Variants in ITGA11 observed in about 807,000 individuals in gnomAD.
ITGA11 encodes integrin alpha-11.
In ITGA11, 97 loss-of-function variants were observed where a neutral mutation model predicts 141.9. The ratio of observed to expected loss-of-function variants is 0.68; its 90% CI spans 0.58 to 0.81. The LOEUF (loss-of-function observed/expected upper bound fraction) is 0.81. ITGA11 is among the 30% of genes least tolerant of loss of function. The pLI is 0.00. For synonymous variants in ITGA11, 658 were observed against 624.6 expected (o/e 1.05, Z -0.80); for missense variants, 1,387 against 1,559.2 (o/e 0.89, Z 1.86).
chr15:68,349,044 G>A, intron 9 of ITGA11, 144 bp from the exon 10 acceptor site: 1 of 718,616 alleles, frequency 1.4e-6, no homozygotes, highest in South Asian at 1.7e-5. Context: ...CTGAAGCTGA[G>A]GCCAGTAGTG....
chr15:68,336,461 G>T (rs890784196), intron 11 of ITGA11, among the ~76,000 whole-genome samples: 1 of 152,130 alleles, frequency 6.6e-6, no homozygotes, highest in African/African-American at 2.4e-5. Context: ...CATACATACA[G>T]CATGCCAAAG....
At chr15:68,338,669 G>A (rs1894452312) in intron 11 of ITGA11, among the ~76,000 whole-genome samples, 1 of 152,232 alleles carries the variant, frequency 6.6e-6, no homozygotes. Flanking sequence ...ACGAGCTGAG[G>A]AACAAAGGTT....
chr15:68,389,172 T>A (rs896214531), intron 2 of ITGA11, among the ~76,000 whole-genome samples: 22 of 152,074 alleles, frequency 1.4e-4, no homozygotes, highest in African/African-American at 5.1e-4. Context: ...CGCTCTCAAT[T>A]CCCTCCACCC....
chr15:68,301,965 T>A lies in ITGA11; in HGVS notation c.*1094A>T, dbSNP rs535542954. Reference sequence around the variant, plus strand: ...AGGCTCCGGGAGTCCTTGCACGTGCTTTATTCAGTGCATTCCAGAGGGGAC... The same window carrying A: ...AGGCTCCGGGAGTCCTTGCACGTGCATTATTCAGTGCATTCCAGAGGGGAC... On this transcript the variant is annotated 3_prime_UTR_variant, in exon 30 of 30. Coordinates refer to ENST00000315757, the MANE Select transcript of ITGA11 (RefSeq NM_001004439.2). The surrounding 1 kb of genome is among the most constrained non-coding windows in gnomAD (Gnocchi z 4.4). The A allele has an allele frequency of 6.5e-6, 1 of 152,800 alleles. No individual in the cohort carries two copies. The highest frequency in any genetic ancestry group is 6.5e-5 in the Admixed American group (1 of 15,298). The allele number at this position is 152,800 out of a possible 1,614,324, so 9.5% of individuals were successfully genotyped here. A position where few individuals can be genotyped will look rare whatever the true frequency, so the allele number is the denominator to read the frequency against.
At chr15:68,395,553 C>T (rs115221021) in intron 2 of ITGA11, among the ~76,000 whole-genome samples, 3,696 of 148,604 alleles carry the variant, frequency 0.025, 142 homozygotes, top group African/African-American at 0.085. Flanking sequence ...GTAGCTGATT[C>T]GATCAAGTGT....
chr15:68,303,042 A>T lies in ITGA11; in HGVS notation c.*17T>A. On this transcript the variant is annotated 3_prime_UTR_variant, in exon 30 of 30. Coordinates refer to ENST00000315757, the MANE Select transcript of ITGA11 (RefSeq NM_001004439.2). The surrounding 1 kb of genome is among the most constrained non-coding windows in gnomAD (Gnocchi z 5.3). ...TGGTGTCCTGGCCCCCATCAACTCA[A>T]AGTCTCCTCTGGAGCCTCACTCCAG... 6.5e-7 allele frequency: 1 copy of T among 1,544,850 alleles called. No homozygotes were observed. Among genetic ancestry groups the T allele is most frequent in the South Asian group, 1.2e-5 (1 of 83,622 alleles).
chr15:68,339,488 C>T lies in ITGA11; in HGVS notation c.1276+12G>A. On this transcript the variant is annotated intron_variant, in intron 11 of 29. Coordinates refer to ENST00000315757, the MANE Select transcript of ITGA11 (RefSeq NM_001004439.2). ...CACGACCCGCCAGCCTCCCCTCACT[C>T]TGCGCTCTTACCCAGGTATGCACCA... 1.2e-6 allele frequency: 2 copies of T among 1,609,240 alleles called. No homozygotes were observed. Among genetic ancestry groups the T allele is most frequent in the Non-Finnish European group, 1.7e-6 (2 of 1,177,796 alleles).
intron 11 of ITGA11, among the ~76,000 whole-genome samples, chr15:68,336,563 G>A (rs1309229670): frequency 2.6e-5 from 4 of 152,072 alleles, no homozygotes; most frequent in South Asian, 2.1e-4. Flanking sequence ...ATCTCAAGTC[G>A]CCCACCCAGT....
At chr15:68,399,105 T>C (rs1896400203) in intron 2 of ITGA11, among the ~76,000 whole-genome samples, 2 of 152,104 alleles carry the variant, frequency 1.3e-5, no homozygotes, top group South Asian at 4.1e-4. Flanking sequence ...ATAAAGGATC[T>C]ATCATAGCTA....
intron 1 of ITGA11, among the ~76,000 whole-genome samples, chr15:68,423,671 G>T (rs1213593270): frequency 1.3e-5 from 2 of 152,188 alleles, no homozygotes; most frequent in Non-Finnish European, 2.9e-5. Context: ...GTTTGTTTTT[G>T]AGCCTCACTT....
intron 2 of ITGA11, among the ~76,000 whole-genome samples, chr15:68,395,990 T>A (rs1304775407): frequency 2.0e-5 from 3 of 151,982 alleles, no homozygotes; most frequent in African/African-American, 4.8e-5. Flanking sequence ...ACAGATCTTA[T>A]GTTCTACCAG....
In ITGA11 at chr15:68,328,728, C is replaced by A. The variant is rs1457109105; in HGVS notation, c.1902-466G>T. On this transcript the variant is annotated intron_variant, in intron 15 of 29. Transcript: ENST00000315757. The surrounding 1 kb of genome is among the most constrained non-coding windows in gnomAD (Gnocchi z 4.8). ...TCTGAAATTTTCATATGTGTGCACG[C>A]CCCCTGGGGATCATGTTAAAATGCA... Among the ~76,000 whole-genome samples the A allele has an allele frequency of 3.3e-5, 5 of 152,182 alleles. No individual in the cohort carries two copies. The highest frequency in any genetic ancestry group is 9.7e-5 in the African/African-American group (4 of 41,440).
intron 5 of ITGA11, among the ~76,000 whole-genome samples, chr15:68,360,803 G>A (rs1055815169): frequency 1.3e-5 from 2 of 152,124 alleles, no homozygotes; most frequent in East Asian, 1.9e-4. Flanking sequence ...CCAGAAAGAC[G>A]ACCTTTCTGC....
rs372137774 is a variant in ITGA11, at chr15:68,361,764, A to G, written c.358-60T>C. The stretch of plus-strand genomic sequence containing the variant: ...GGGACCTCAGAGAGGATCGAGGTCC[A>G]ATGGCCTGAGGCCCACTCCCATCCT... On this transcript the variant is annotated intron_variant, in intron 4 of 29. Coordinates refer to ENST00000315757, the MANE Select transcript of ITGA11 (RefSeq NM_001004439.2). 4.1e-6 allele frequency: 5 copies of G among 1,212,620 alleles called. No individual in the cohort carries two copies. The South Asian group carries it at 5.2e-5, about 13-fold the overall frequency. 75.1% of individuals were successfully genotyped at this position (1,212,620 alleles called of 1,614,324 possible). A position where few individuals can be genotyped will look rare whatever the true frequency, so the allele number is the denominator to read the frequency against.
chr15:68,345,441 T>C (rs919454150), intron 10 of ITGA11, among the ~76,000 whole-genome samples: 3 of 152,070 alleles, frequency 2.0e-5, no homozygotes, highest in African/African-American at 7.2e-5. Flanking sequence ...TGTCTTGGGG[T>C]CTCCCCTGTA....
rs962676828 is a variant in ITGA11 at position 68,301,539 on chromosome 15, C to G, written c.*1520G>C. 6.6e-6 allele frequency: 1 copy of G among 152,268 alleles called. No individual in the cohort carries two copies. Among genetic ancestry groups the G allele is most frequent in the African/African-American group, 2.4e-5 (1 of 41,428 alleles). 9.4% of individuals were successfully genotyped at this position (152,268 alleles called of 1,614,324 possible). On this transcript the variant is annotated 3_prime_UTR_variant, in exon 30 of 30. Coordinates refer to ENST00000315757, the MANE Select transcript of ITGA11 (RefSeq NM_001004439.2). This position sits in a 1 kb window ranked among gnomAD's most constrained non-coding sequence, Gnocchi z 4.4. The stretch of plus-strand genomic sequence containing the variant: ...ACGTCACACGGAGGCCAGGCAGCCA[C>G]TAGGAGGGCATGTTGTGGGCAGCAA...
rs567033908 is a variant in ITGA11 at position 68,340,484 on chromosome 15, T to G, written c.1132-840A>C. On this transcript the variant is annotated intron_variant, in intron 10 of 29. Coordinates refer to ENST00000315757, the MANE Select transcript of ITGA11 (RefSeq NM_001004439.2). ...GGAACTGAACGCTGTTTGATGGGGC[T>G]GGAGCACCAAGCAAGAGGGGCAGAG... 4.1e-3 allele frequency among the ~76,000 whole-genome samples: 623 copies of G among 152,288 alleles called. 2 individuals are homozygous for G. Among genetic ancestry groups the G allele is most frequent in the Middle Eastern group, 0.017 (5 of 294 alleles).
At chr15:68,343,437 A>G (rs1563894) in intron 10 of ITGA11, among the ~76,000 whole-genome samples, 33,775 of 152,182 alleles carry the variant, frequency 0.22, 3,950 homozygotes, top group African/African-American at 0.27. Flanking sequence ...TTCTTCAGAC[A>G]TCTACTAAGA....
rs371042094 is a variant in ITGA11, at chr15:68,402,990, C to T, written c.92G>A (p.Arg31Gln). 1.8e-5 allele frequency: 29 copies of T among 1,613,478 alleles called. No homozygotes were observed. Among genetic ancestry groups the T allele is most frequent in the African/African-American group, 6.7e-5 (5 of 74,902 alleles). Residue 31 changes from arginine (R) to glutamine (Q), a missense_variant, in exon 2 of 30, where the codon CGG (arginine) becomes CAG (glutamine). By Grantham distance (43) the Arg-to-Gln change is conservative. Transcript: ENST00000315757. Reference sequence around the variant, plus strand: ...GGCGGTCCTGGAGCCAGGGATGACCCGGGGCTTCCTGGTGTCCATGTTGAA... The same window carrying T: ...GGCGGTCCTGGAGCCAGGGATGACCTGGGGCTTCCTGGTGTCCATGTTGAA... ...DTFNMDTRKPRVIPGSRTAFF... is the reference protein window; with the variant it reads ...DTFNMDTRKPQVIPGSRTAFF...
Sources: allele counts gnomAD v4.1 joint callset (sites outside exome capture counted in the v4.1 genomes callset), GRCh38; gene constraint gnomAD v4.1.1; non-coding constraint Gnocchi (gnomAD v3.1); transcripts MANE v1.5; gene names NCBI Gene and HGNC (gene_info 2026-07-23, HGNC 2026-07-21).